The following CCL26 variants were observed in gnomAD, a reference collection of about 807,000 sequenced individuals.
CCL26 encodes C-C motif chemokine 26.
CCL26 carries 10 observed loss-of-function variants against 10.7 expected under a neutral mutation model. That is an observed-to-expected ratio of 0.93 (90% CI 0.57 to 1.58). The LOEUF is 1.58. Ranked by LOEUF, CCL26 falls within the 40% of genes most tolerant of loss-of-function variation. The pLI is 0.00. For synonymous variants in CCL26, 43 were observed against 41.4 expected (o/e 1.04, Z -0.15); for missense variants, 116 against 111.0 (o/e 1.05, Z -0.20).
chr7:75,784,533 A>C (rs1404382988), intron 1 of CCL26, among the ~76,000 whole-genome samples: 1 of 152,046 alleles, frequency 6.6e-6, no homozygotes, highest in East Asian at 1.9e-4. Context: ...CTTCTTTTCA[A>C]AGGCCTTTTT....
chr7:75,776,565 GAAGGAAGGAAGGAAGGAAGA>G (rs1802946379), upstream of CCL26, among the ~76,000 whole-genome samples: 2 of 104,726 alleles, frequency 1.9e-5, no homozygotes, highest in African/African-American at 6.3e-5. Flanking sequence ...AGGAAGGAAG[GAAGGAAGGAAGGAAGGAAGA>G]AGGAAAGCAA....
chr7:75,790,179 C>CTTCCTTCCTTTCTTTCTTTCTTTCTTTCT (rs1563342375), upstream of CCL26, among the ~76,000 whole-genome samples: 1 of 30,720 alleles, frequency 3.3e-5, no homozygotes, highest in Non-Finnish European at 6.6e-5. Flanking sequence ...TCCTTCCTTC[C>CTTCCTTCCTTTCTTTCTTTCTTTCTTTCT]TTTCTTTCTT....
In CCL26 at chr7:75,771,943, G is replaced by C. The variant is rs782124988; in HGVS notation, c.134C>G (p.Thr45Ser). 2 of 1,613,994 alleles carry C rather than the reference G, an allele frequency of 1.2e-6. No homozygotes were observed. The highest frequency in any genetic ancestry group is 2.7e-5 in the African/African-American group (2 of 74,930). Reference sequence around the variant, plus strand: ...GGTGAATTCATAGCTTCGCACCCAGGTCCAGGGAAGGGGCTTGTGGCTGTA... The same window carrying C: ...GGTGAATTCATAGCTTCGCACCCAGCTCCAGGGAAGGGGCTTGTGGCTGTA... Reference protein sequence around the residue: ...FQYSHKPLPWTWVRSYEFTSN... With the variant: ...FQYSHKPLPWSWVRSYEFTSN... Residue 45 changes from threonine to serine, a missense_variant, in exon 2 of 3, where the codon ACC becomes AGC. Physicochemically the swap from Thr to Ser is moderately conservative, Grantham distance 58 (BLOSUM62 1). Coordinates refer to ENST00000005180, the MANE Select transcript of CCL26 (RefSeq NM_001371938.1).
At position 75,778,268 on chromosome 7, in the gene CCL26, C is replaced by T. The variant is rs187560803; in HGVS notation, c.-78-6014G>A. ...ACATGGTCTCACTCTGTCACCCAGGCTGGAGGGCAGTGGCACGATCATAGC... is the reference window on the plus strand; with the variant it reads ...ACATGGTCTCACTCTGTCACCCAGGTTGGAGGGCAGTGGCACGATCATAGC... On this transcript the variant is annotated intron_variant, in intron 1 of 3. Coordinates refer to the CCL26 transcript ENST00000394905. 1.8e-3 allele frequency among the ~76,000 whole-genome samples: 274 copies of T among 152,224 alleles called. 1 individual carries two copies. The highest frequency in any genetic ancestry group is 6.3e-3 in the African/African-American group (260 of 41,550).
chr7:75,780,212 C>G (rs1316167278), intron 1 of CCL26, among the ~76,000 whole-genome samples: 7 of 150,226 alleles, frequency 4.7e-5, no homozygotes, highest in African/African-American at 1.7e-4. Context: ...CCTCCCACCC[C>G]TTCTCCACTT....
upstream of CCL26, among the ~76,000 whole-genome samples, chr7:75,775,084 G>T (rs151004613): frequency 8.5e-5 from 13 of 152,098 alleles, no homozygotes; most frequent in African/African-American, 3.1e-4. Context: ...GCTGAGCATG[G>T]TGTCGCGTGT....
At chr7:75,771,766 T>C (rs1345569016) in intron 2 of CCL26, 123 bp downstream of exon 2, 4 of 680,950 alleles carry the variant, frequency 5.9e-6, no homozygotes, top group Middle Eastern at 3.1e-4. Context: ...GAGTCACACT[T>C]GTTAGTGTGC....
chr7:75,788,436 C>T (rs932508478), intron 1 of CCL26, among the ~76,000 whole-genome samples: 30 of 152,082 alleles, frequency 2.0e-4, no homozygotes, highest in African/African-American at 6.3e-4. Context: ...TCCTATAAAA[C>T]GGCCCCACCC....
intron 1 of CCL26, among the ~76,000 whole-genome samples, chr7:75,781,237 AC>A (rs1417425103): frequency 2.6e-5 from 4 of 152,250 alleles, no homozygotes; most frequent in Non-Finnish European, 5.9e-5. Flanking sequence ...GACTTAATTA[AC>A]CTTGCCTTCA....
intron 2 of CCL26, 100 bp from the exon 3 acceptor site, chr7:75,769,889 C>A: frequency 1.4e-6 from 1 of 724,282 alleles, no homozygotes; most frequent in Non-Finnish European, 2.5e-6. Context: ...AGTCTTCTGG[C>A]CTTGCCACAA....
Position 75,771,893 on chromosome 7 carries a change from C to T in CCL26, c.184G>A (p.Val62Met). The T allele has an allele frequency of 6.2e-7, 1 of 1,609,862 alleles. No homozygotes were observed. Among genetic ancestry groups the T allele is most frequent in the Non-Finnish European group, 8.5e-7 (1 of 1,176,070 alleles). ...FTSNSCSQRA[V>M]IFTTKRGKKV... ...GTACGTCCGAGAAATACTCACATCA[C>T]AGCCCGCTGGGAGCAGCTGTTACTG... Residue 62 changes from valine to methionine, a missense_variant, in exon 2 of 3, where the codon GTG (valine) becomes ATG (methionine). Val to Met is a conservative substitution (Grantham distance 21, BLOSUM62 1). Coordinates refer to ENST00000005180, the MANE Select transcript of CCL26 (RefSeq NM_001371938.1).
intron 1 of CCL26, among the ~76,000 whole-genome samples, chr7:75,782,409 G>A (rs544722531): frequency 7.9e-5 from 12 of 152,006 alleles, no homozygotes; most frequent in South Asian, 2.1e-4. Context: ...AGTCAATTGC[G>A]GGGACACCTG....
intron 1 of CCL26, among the ~76,000 whole-genome samples, chr7:75,786,965 A>G (rs1803205731): frequency 1.3e-5 from 2 of 152,082 alleles, no homozygotes; most frequent in African/African-American, 2.4e-5. Flanking sequence ...CTGCTATTCT[A>G]CTACTCCTCA....
In CCL26 at chr7:75,771,947, A is replaced by T. The variant is rs782452632; in HGVS notation, c.130T>A (p.Trp44Arg). The T allele has an allele frequency of 6.2e-7, 1 of 1,614,150 alleles. No homozygotes were observed. The highest frequency in any genetic ancestry group is 8.5e-7 in the Non-Finnish European group (1 of 1,179,984). ...AATTCATAGCTTCGCACCCAGGTCC[A>T]GGGAAGGGGCTTGTGGCTGTATTGG... ...CFQYSHKPLPWTWVRSYEFTS... is the reference protein window; with the variant it reads ...CFQYSHKPLPRTWVRSYEFTS... Residue 44 changes from tryptophan to arginine, a missense_variant, in exon 2 of 3, where the codon TGG becomes AGG. Physicochemically the swap from Trp to Arg is moderately radical, Grantham distance 101 (BLOSUM62 -3). Transcript: ENST00000005180.
At chr7:75,779,101 A>T (rs930874183) in intron 1 of CCL26, among the ~76,000 whole-genome samples, 2 of 151,960 alleles carry the variant, frequency 1.3e-5, no homozygotes, top group African/African-American at 2.4e-5. Context: ...CCCACTGAGC[A>T]CCTTGTGTCC....
intron 1 of CCL26, among the ~76,000 whole-genome samples, chr7:75,787,791 ACT>A (rs1383313611): frequency 1.3e-5 from 2 of 151,268 alleles, no homozygotes; most frequent in East Asian, 1.9e-4. Context: ...CCCCTTGGAC[ACT>A]CTCTAATTGG....
At chr7:75,786,123 A>G (rs1194415206) in intron 1 of CCL26, among the ~76,000 whole-genome samples, 2 of 152,010 alleles carry the variant, frequency 1.3e-5, no homozygotes, top group Non-Finnish European at 2.9e-5. Context: ...GTCTCCCACA[A>G]TTACCATTGT....
rs12721467 is a variant in CCL26, at chr7:75,769,826, C to T, written c.189-37G>A. 3.6e-5 allele frequency: 47 copies of T among 1,287,786 alleles called. No individual in the cohort carries two copies. In the East Asian group the frequency reaches 7.6e-4, roughly 21 times the overall value. 79.8% of individuals were successfully genotyped at this position (1,287,786 alleles called of 1,614,324 possible). A position where few individuals can be genotyped will look rare whatever the true frequency, so the allele number is the denominator to read the frequency against. ...AGACACGGATAAGTCAATATTGAGACTCTTTGCCTCCTGGGGTGGGATAGA... is the reference window on the plus strand; with the variant it reads ...AGACACGGATAAGTCAATATTGAGATTCTTTGCCTCCTGGGGTGGGATAGA... On this transcript the variant is annotated intron_variant, in intron 2 of 2. Transcript: ENST00000005180.
At chr7:75,777,088 C>T (rs190397459), upstream of CCL26, among the ~76,000 whole-genome samples, 19 of 152,064 alleles carry the variant, frequency 1.2e-4, no homozygotes, top group East Asian at 7.8e-4. Flanking sequence ...AAAAATTAGC[C>T]GGGTGTGGTG....
Sources: gnomAD v4.1 joint callset for allele counts (sites outside exome capture counted in the v4.1 genomes callset) on GRCh38, gnomAD v4.1.1 for gene constraint, MANE v1.5 for transcripts, NCBI Gene and HGNC (gene_info 2026-07-23, HGNC 2026-07-21) for gene names.